The following TENT2 variants were observed in gnomAD, a reference collection of about 807,000 sequenced individuals.
The protein encoded by TENT2 is poly(A) RNA polymerase GLD2.
TENT2 carries 44 observed loss-of-function variants against 72.2 expected under a neutral mutation model. That is an observed-to-expected ratio of 0.61 (90% CI 0.48 to 0.78). TENT2 has a LOEUF of 0.78. Among genes scored for constraint, TENT2 ranks in the 30% least tolerant of loss-of-function variants. The pLI is 0.00. For missense variants in TENT2, 541 were observed against 569.6 expected (o/e 0.95, Z 0.51); for synonymous variants, 212 against 192.5 (o/e 1.10, Z -0.84).
chr5:79,622,197 C>T (rs1366608901), intron 3 of TENT2, among the ~76,000 whole-genome samples: 1 of 151,690 alleles, frequency 6.6e-6, no homozygotes, highest in Non-Finnish European at 1.5e-5. Context: ...GCTACTCAGG[C>T]GGCTGAGGCA....
intron 4 of TENT2, among the ~76,000 whole-genome samples, chr5:79,626,625 AT>A (rs564494148): frequency 0.013 from 1,726 of 134,388 alleles, 20 homozygotes; most frequent in Non-Finnish European, 0.016. Flanking sequence ...AATGTTTTTA[AT>A]TTTTTTTTTT....
At chr5:79,634,703 CTAAT>C (rs1778690740) in intron 4 of TENT2, among the ~76,000 whole-genome samples, 1 of 152,026 alleles carries the variant, frequency 6.6e-6, no homozygotes, top group East Asian at 1.9e-4. Flanking sequence ...GAGAAATAGA[CTAAT>C]TAATTTTATA....
intron 12 of TENT2, among the ~76,000 whole-genome samples, chr5:79,675,984 C>G (rs116034912): frequency 0.018 from 2,764 of 151,922 alleles, 95 homozygotes; most frequent in African/African-American, 0.062. Flanking sequence ...AGATGAGAAG[C>G]CAGTCAAAAC....
At chr5:79,677,389 A>G (rs1818081066) in intron 12 of TENT2, among the ~76,000 whole-genome samples, 3 of 152,198 alleles carry the variant, frequency 2.0e-5, no homozygotes, top group Non-Finnish European at 4.4e-5. Flanking sequence ...TTTAGAACCA[A>G]GTAGTGGCAT....
intron 4 of TENT2, among the ~76,000 whole-genome samples, chr5:79,625,968 A>G (rs1769351874): frequency 1.3e-5 from 2 of 151,560 alleles, no homozygotes; most frequent in South Asian, 2.1e-4. Context: ...AGCTGGGATT[A>G]CAGGTGTGTG....
chr5:79,667,501 C>A (rs1809228413), intron 11 of TENT2, among the ~76,000 whole-genome samples: 1 of 152,070 alleles, frequency 6.6e-6, no homozygotes, highest in Non-Finnish European at 1.5e-5. Flanking sequence ...CTTTCCTACC[C>A]CCTCCACTTT....
At chr5:79,644,227 C>A (rs576235570) in intron 7 of TENT2, among the ~76,000 whole-genome samples, 1 of 152,224 alleles carries the variant, frequency 6.6e-6, no homozygotes, top group South Asian at 2.1e-4. Context: ...AGTGATACAT[C>A]CACCTTGGCC....
At chr5:79,668,762 G>T in intron 11 of TENT2, 130 bp from the exon 12 acceptor site, 1 of 1,095,940 alleles carries the variant, frequency 9.1e-7, no homozygotes, top group Non-Finnish European at 1.3e-6. Context: ...AAAATTTCAG[G>T]TTTCCAAATT....
chr5:79,631,536 G>A (rs1381880806), intron 4 of TENT2, among the ~76,000 whole-genome samples: 1 of 152,174 alleles, frequency 6.6e-6, no homozygotes, highest in Non-Finnish European at 1.5e-5. Flanking sequence ...GGTAATTGAA[G>A]CCCCAGGAAG....
chr5:79,641,992 A>G lies in TENT2; in HGVS notation c.672+796A>G, dbSNP rs776959907. ...AGTATGTTTACCTGAATTTCCTGTT[A>G]ACTGATACTCCTGTGTATAATACTG... On this transcript the variant is annotated intron_variant, in intron 6 of 14. Transcript: ENST00000453514. 4.7e-4 allele frequency among the ~76,000 whole-genome samples: 71 copies of G among 151,966 alleles called. 1 individual carries two copies. Among genetic ancestry groups the G allele is most frequent in the Non-Finnish European group, 3.2e-4 (22 of 67,898 alleles).
intron 14 of TENT2, 150 bp from the exon 15 acceptor site, chr5:79,685,049 C>A: frequency 6.6e-6 from 4 of 608,116 alleles, no homozygotes; most frequent in African/African-American, 1.9e-5. Flanking sequence ...CAGAGTGAGA[C>A]CTTATCTCAA....
intron 4 of TENT2, among the ~76,000 whole-genome samples, chr5:79,637,097 G>A (rs548591905): frequency 9.9e-5 from 15 of 152,164 alleles, no homozygotes; most frequent in African/African-American, 3.6e-4. Flanking sequence ...AACCAGATGT[G>A]GTGCTGCACA....
chr5:79,652,906 T>G (rs1795251064), intron 10 of TENT2, among the ~76,000 whole-genome samples: 1 of 152,020 alleles, frequency 6.6e-6, no homozygotes, highest in South Asian at 2.1e-4. Flanking sequence ...CAGTGAACTC[T>G]GTTCTCTTGT....
At chr5:79,634,871 T>C (rs958378342) in intron 4 of TENT2, among the ~76,000 whole-genome samples, 18 of 151,764 alleles carry the variant, frequency 1.2e-4, no homozygotes, top group African/African-American at 3.9e-4. Context: ...TTTTTTGAGA[T>C]GGGGTCTTAC....
chr5:79,623,982 T>A (rs1453543363), intron 4 of TENT2, among the ~76,000 whole-genome samples: 2 of 152,138 alleles, frequency 1.3e-5, no homozygotes, highest in African/African-American at 2.4e-5. Flanking sequence ...ATAAGTGAAA[T>A]GAAGCTATTT....
chr5:79,614,147 A>T (rs1191898463), intron 1 of TENT2: 6 of 120,422 alleles, frequency 5.0e-5, no homozygotes, highest in Admixed American at 1.2e-4. Flanking sequence ...CTTGTCACCC[A>T]GGCTACAGTG....
chr5:79,634,532 T>C (rs1255370965), intron 4 of TENT2, among the ~76,000 whole-genome samples: 1 of 151,946 alleles, frequency 6.6e-6, no homozygotes, highest in Non-Finnish European at 1.5e-5. Flanking sequence ...AGAGATGGGG[T>C]TTCATCATCT....
intron 10 of TENT2, among the ~76,000 whole-genome samples, 199 bp downstream of exon 10, chr5:79,649,389 TTTTTTTTTA>T (rs920640713): frequency 2.6e-5 from 4 of 151,880 alleles, no homozygotes; most frequent in East Asian, 1.9e-4. Flanking sequence ...TTTCACTGTT[TTTTTTTTTA>T]TTTTTTGGAA....
In TENT2 at chr5:79,632,266, G is replaced by A. The variant is rs544978589; in HGVS notation, c.466-8585G>A. Among the ~76,000 whole-genome samples, 4 of 152,200 alleles carry A rather than the reference G, an allele frequency of 2.6e-5. No homozygotes were observed. In the South Asian group the frequency reaches 8.3e-4, roughly 32 times the overall value. On this transcript the variant is annotated intron_variant, in intron 4 of 14. Coordinates refer to ENST00000453514, the MANE Select transcript of TENT2 (RefSeq NM_001114394.3). ...TTAGAAGTTTTTTTAACTACTTTGA[G>A]GATAAACATAAAGAATTGAATTTTG...
Sources: gnomAD v4.1 joint callset for allele counts (sites outside exome capture counted in the v4.1 genomes callset) on GRCh38, gnomAD v4.1.1 for gene constraint, MANE v1.5 for transcripts, NCBI Gene and HGNC (gene_info 2026-07-23, HGNC 2026-07-21) for gene names.